MIPOL1: variants seen among roughly 807,000 people sequenced by gnomAD.
MIPOL1 encodes mirror-image polydactyly gene 1 protein.
In MIPOL1, 57 loss-of-function variants were observed where a neutral mutation model predicts 60.9. The observed-to-expected ratio is 0.94, with a 90% CI of 0.76 to 1.17. The LOEUF (loss-of-function observed/expected upper bound fraction) is 1.17. Ranked by LOEUF, MIPOL1 falls within the 50% of genes most tolerant of loss-of-function variation. MIPOL1 has a pLI of 0.00. For missense variants in MIPOL1, 551 were observed against 511.6 expected (o/e 1.08, Z -0.74); for synonymous variants, 179 against 168.8 (o/e 1.06, Z -0.47).
At chr14:37,509,043 C>A (rs1001870741) in intron 12 of MIPOL1, among the ~76,000 whole-genome samples, 1 of 151,996 alleles carries the variant, frequency 6.6e-6, no homozygotes, top group East Asian at 1.9e-4. Flanking sequence ...CCCAGCTATC[C>A]GAACATAATG....
intron 10 of MIPOL1, among the ~76,000 whole-genome samples, chr14:37,399,338 A>G (rs988951851): frequency 6.6e-6 from 1 of 152,142 alleles, no homozygotes; most frequent in Non-Finnish European, 1.5e-5. Flanking sequence ...CCATCTTCGT[A>G]TATGCTTTCA....
At chr14:37,274,829 A>T (rs1029930359) in intron 6 of MIPOL1, among the ~76,000 whole-genome samples, 20 of 151,288 alleles carry the variant, frequency 1.3e-4, no homozygotes, top group Admixed American at 1.3e-3. Context: ...TAAGATGATG[A>T]TGTAACCATC....
intron 3 of MIPOL1, among the ~76,000 whole-genome samples, chr14:37,250,913 CAA>C (rs1346265393): frequency 3.3e-5 from 5 of 152,018 alleles, no homozygotes; most frequent in South Asian, 2.1e-4. Context: ...TATTTTAAGT[CAA>C]AGAGTTGATA....
chr14:37,222,514 A>G (rs1040473615), intron 1 of MIPOL1, among the ~76,000 whole-genome samples: 2 of 151,884 alleles, frequency 1.3e-5, no homozygotes, highest in Admixed American at 1.3e-4. Context: ...ATCTTAGTGC[A>G]TTGAGCTTAA....
At chr14:37,376,176 A>G (rs1181924054) in intron 10 of MIPOL1, among the ~76,000 whole-genome samples, 1 of 152,218 alleles carries the variant, frequency 6.6e-6, no homozygotes, top group Non-Finnish European at 1.5e-5. Flanking sequence ...TAGTGAACCT[A>G]CATTGACACA....
At chr14:37,303,800 T>C (rs1286016276) in intron 7 of MIPOL1, among the ~76,000 whole-genome samples, 1 of 151,890 alleles carries the variant, frequency 6.6e-6, no homozygotes, top group African/African-American at 2.4e-5. Context: ...AATAAGTAAG[T>C]AATCATATAA....
rs960889646 is a variant in MIPOL1 at position 37,268,575 on chromosome 14, T to C, written c.252-83T>C. The C allele has an allele frequency of 3.9e-5, 41 of 1,040,278 alleles. No individual in the cohort carries two copies. In the African/African-American group the frequency reaches 6.6e-4, roughly 17 times the overall value. 64.4% of individuals were successfully genotyped at this position (1,040,278 alleles called of 1,614,324 possible). A position where few individuals can be genotyped will look rare whatever the true frequency, so the allele number is the denominator to read the frequency against. On this transcript the variant is annotated intron_variant, in intron 4 of 12. Transcript: ENST00000684589. ...TCCTTTATGGTGTTTGCTTACAAGTTGATACTGTTCTCAAGTAGCATACAA... is the reference window on the plus strand; with the variant it reads ...TCCTTTATGGTGTTTGCTTACAAGTCGATACTGTTCTCAAGTAGCATACAA...
At chr14:37,223,528 G>T (rs1822389060) in intron 1 of MIPOL1, among the ~76,000 whole-genome samples, 1 of 151,592 alleles carries the variant, frequency 6.6e-6, no homozygotes, top group Admixed American at 6.6e-5. Context: ...TTGAGATGGA[G>T]TGTCACTCTC....
At chr14:37,328,799 C>T (rs1383041518) in intron 9 of MIPOL1, among the ~76,000 whole-genome samples, 1 of 152,134 alleles carries the variant, frequency 6.6e-6, no homozygotes, top group Non-Finnish European at 1.5e-5. Flanking sequence ...CAGGAAAATC[C>T]AAGTCCTTTT....
At chr14:37,535,877 A>G (rs1192877213) in intron 12 of MIPOL1, among the ~76,000 whole-genome samples, 2 of 151,724 alleles carry the variant, frequency 1.3e-5, no homozygotes, top group African/African-American at 2.4e-5. Flanking sequence ...TCTTTTTTCA[A>G]TTTCTTTTTC....
At chr14:37,270,384 A>T (rs746007254) in intron 5 of MIPOL1, 36 bp from the exon 6 acceptor site, 1 of 1,157,554 alleles carries the variant, frequency 8.6e-7, no homozygotes, top group Non-Finnish European at 1.2e-6. Context: ...GACATTTGTC[A>T]AATAAGAATC....
intron 7 of MIPOL1, among the ~76,000 whole-genome samples, chr14:37,295,275 T>G (rs909932477): frequency 5.3e-5 from 8 of 152,156 alleles, no homozygotes; most frequent in Non-Finnish European, 8.8e-5. Context: ...GTCACCACCA[T>G]GCCTGCTCTA....
At chr14:37,244,218 C>G (rs537418335) in intron 1 of MIPOL1, among the ~76,000 whole-genome samples, 26 of 137,354 alleles carry the variant, frequency 1.9e-4, no homozygotes, top group African/African-American at 7.0e-4. Flanking sequence ...CTCTCGGGTT[C>G]AAGCAATTCT....
At chr14:37,327,370 C>G (rs928017315) in intron 9 of MIPOL1, among the ~76,000 whole-genome samples, 32 of 152,250 alleles carry the variant, frequency 2.1e-4, no homozygotes, top group African/African-American at 7.5e-4. Context: ...CCACTGCAGC[C>G]TCAATCTCCT....
At chr14:37,386,176 ACT>A (rs2093060897) in intron 10 of MIPOL1, among the ~76,000 whole-genome samples, 1 of 151,886 alleles carries the variant, frequency 6.6e-6, no homozygotes, top group Non-Finnish European at 1.5e-5. Context: ...CATTCATATG[ACT>A]CTGAAATATT....
intron 7 of MIPOL1, among the ~76,000 whole-genome samples, chr14:37,288,962 T>G (rs1371983320): frequency 6.6e-6 from 1 of 152,230 alleles, no homozygotes; most frequent in Non-Finnish European, 1.5e-5. Context: ...TTTAAAACTC[T>G]GCTTTTTTCA....
chr14:37,228,570 ACC>A (rs1484581584), intron 1 of MIPOL1, among the ~76,000 whole-genome samples: 1 of 152,032 alleles, frequency 6.6e-6, no homozygotes, highest in Admixed American at 6.6e-5. Flanking sequence ...TGGCACCATG[ACC>A]CAGAGAATAG....
intron 12 of MIPOL1, among the ~76,000 whole-genome samples, chr14:37,526,484 C>G (rs922270291): frequency 2.6e-5 from 4 of 151,488 alleles, no homozygotes; most frequent in African/African-American, 9.7e-5. Context: ...ATTCTCCTGC[C>G]TCAGCCCCCC....
At chr14:37,299,273 A>C (rs1179900365) in intron 7 of MIPOL1, among the ~76,000 whole-genome samples, 7 of 150,012 alleles carry the variant, frequency 4.7e-5, no homozygotes, top group Non-Finnish European at 7.4e-5. Flanking sequence ...GGAACATCAC[A>C]CACAGGGGAC....
Sources: allele counts gnomAD v4.1 joint callset (sites outside exome capture counted in the v4.1 genomes callset), GRCh38; gene constraint gnomAD v4.1.1; transcripts MANE v1.5; gene names NCBI Gene and HGNC (gene_info 2026-07-23, HGNC 2026-07-21).